The following PLPP1 variants were observed in gnomAD, a reference collection of about 807,000 sequenced individuals.
PLPP1 encodes the protein lipid phosphate phosphohydrolase 1a.
PLPP1 carries 24 observed loss-of-function variants against 31.2 expected under a neutral mutation model. That is an observed-to-expected ratio of 0.77 (90% CI 0.56 to 1.08). The LOEUF (loss-of-function observed/expected upper bound fraction) is 1.08, where lower values mean the gene tolerates loss of function less well. Among genes scored for constraint, PLPP1 ranks in the 50% least tolerant of loss-of-function variants. PLPP1 has a pLI of 0.00. For synonymous variants in PLPP1, 146 were observed against 126.3 expected (o/e 1.16, Z -1.05); for missense variants, 319 against 342.7 (o/e 0.93, Z 0.55).
chr5:55,533,798 T>C (rs1362774676), intron 1 of PLPP1, among the ~76,000 whole-genome samples: 1 of 152,212 alleles, frequency 6.6e-6, no homozygotes, highest in Non-Finnish European at 1.5e-5. Context: ...CTTATCCAAA[T>C]GATTCCAGTT....
intron 4 of PLPP1, among the ~76,000 whole-genome samples, chr5:55,433,246 A>G (rs1388175575): frequency 6.6e-6 from 1 of 151,152 alleles, no homozygotes; most frequent in East Asian, 2.0e-4. Context: ...TCACTGCTTA[A>G]GCACAGGACA....
At chr5:55,511,811 C>CGTA (rs1753419696) in intron 1 of PLPP1, among the ~76,000 whole-genome samples, 1 of 150,808 alleles carries the variant, frequency 6.6e-6, no homozygotes, top group African/African-American at 2.4e-5. Context: ...CTGCAGGCGC[C>CGTA]GGCTACCACG....
rs181105436 is a variant in PLPP1 at position 55,482,251 on chromosome 5, T to C, written c.59-6801A>G. On this transcript the variant is annotated intron_variant, in intron 1 of 5. Coordinates refer to ENST00000307259, the MANE Select transcript of PLPP1 (RefSeq NM_003711.4). ...ATCTCCAGTCAGGATACGCATTCAA[T>C]GTAAGTCTCCTTTGTCCCCCCTCAC... Among the ~76,000 whole-genome samples, 11 of 151,288 alleles carry C rather than the reference T, an allele frequency of 7.3e-5. No individual in the cohort carries two copies. In the East Asian group the frequency reaches 1.7e-3, roughly 24 times the overall value.
chr5:55,429,931 T>C (rs1751306424), intron 4 of PLPP1, among the ~76,000 whole-genome samples: 2 of 152,134 alleles, frequency 1.3e-5, no homozygotes, highest in South Asian at 2.1e-4. Flanking sequence ...AGCCAAGCCC[T>C]ATACACACCA....
intron 1 of PLPP1, among the ~76,000 whole-genome samples, chr5:55,499,021 A>G (rs987268965): frequency 4.6e-5 from 7 of 152,182 alleles, no homozygotes; most frequent in East Asian, 1.9e-4. Context: ...TGAGGCCCCA[A>G]TTGCATCCTC....
intron 3 of PLPP1, among the ~76,000 whole-genome samples, chr5:55,452,773 G>A (rs929303938): frequency 7.9e-5 from 12 of 152,274 alleles, no homozygotes; most frequent in African/African-American, 2.9e-4. Flanking sequence ...AAAATCATCT[G>A]TTACTGAACC....
At chr5:55,519,188 C>A (rs1262466002) in intron 1 of PLPP1, among the ~76,000 whole-genome samples, 1 of 152,146 alleles carries the variant, frequency 6.6e-6, no homozygotes, top group Non-Finnish European at 1.5e-5. Flanking sequence ...GATATCCACA[C>A]TAGCCATAAA....
intron 1 of PLPP1, among the ~76,000 whole-genome samples, chr5:55,530,940 C>T (rs556731470): frequency 1.3e-5 from 2 of 151,578 alleles, no homozygotes; most frequent in Middle Eastern, 3.4e-3. Flanking sequence ...ATGGTGACAG[C>T]GGCAGCGGCC....
intron 1 of PLPP1, among the ~76,000 whole-genome samples, chr5:55,521,136 T>C (rs937857276): frequency 1.2e-4 from 19 of 152,216 alleles, no homozygotes; most frequent in Middle Eastern, 3.4e-3. Flanking sequence ...GCAAATCACT[T>C]GAGGTCAGGA....
intron 1 of PLPP1, among the ~76,000 whole-genome samples, chr5:55,522,711 GT>G (rs1753697118): frequency 6.6e-6 from 1 of 150,600 alleles, no homozygotes; most frequent in Non-Finnish European, 1.5e-5. Context: ...GTTTTGTTTT[GT>G]TTTGTTTTGT....
At chr5:55,522,621 A>C (rs1753694440) in intron 1 of PLPP1, among the ~76,000 whole-genome samples, 1 of 152,252 alleles carries the variant, frequency 6.6e-6, no homozygotes, top group African/African-American at 2.4e-5. Flanking sequence ...ACTGACTCTG[A>C]AACTACATCA....
intron 3 of PLPP1, among the ~76,000 whole-genome samples, chr5:55,457,415 G>C (rs934167327): frequency 8.5e-5 from 13 of 152,134 alleles, no homozygotes; most frequent in Admixed American, 2.0e-4. Context: ...GGAAGAGACA[G>C]TGAATGAGTA....
At chr5:55,499,286 C>T (rs1370636190) in intron 1 of PLPP1, among the ~76,000 whole-genome samples, 6 of 152,170 alleles carry the variant, frequency 3.9e-5, no homozygotes, top group African/African-American at 1.4e-4. Context: ...CATATCCATC[C>T]TCCACATCCT....
chr5:55,512,732 A>ACACATACACACG (rs1267970645), intron 1 of PLPP1, among the ~76,000 whole-genome samples: 2 of 151,898 alleles, frequency 1.3e-5, no homozygotes, highest in Non-Finnish European at 2.9e-5. Context: ...CTACACACAC[A>ACACATACACACG]CACACACACA....
intron 3 of PLPP1, among the ~76,000 whole-genome samples, chr5:55,444,743 T>TTGTGTGTGTGTGTGTGTGTGTGTG (rs1554037412): frequency 1.9e-4 from 26 of 137,378 alleles, no homozygotes; most frequent in African/African-American, 6.7e-4. Context: ...GGATTCTATT[T>TTGTGTGTGTGTGTGTGTGTGTGTG]TGTGTGTGTG....
At chr5:55,470,379 GGTAGTAT>G (rs1478516205) in intron 2 of PLPP1, among the ~76,000 whole-genome samples, 1 of 152,206 alleles carries the variant, frequency 6.6e-6, no homozygotes, top group African/African-American at 2.4e-5. Flanking sequence ...TCCAGAAACA[GGTAGTAT>G]GTTTTGTGAG....
At chr5:55,534,493 C>T in intron 1 of PLPP1, 79 bp downstream of exon 1, 1 of 1,399,418 alleles carries the variant, frequency 7.1e-7, no homozygotes, top group Non-Finnish European at 9.5e-7. Context: ...AACACACCCC[C>T]GCTGCCCGTC....
chr5:55,482,612 G>A (rs1752694883), intron 1 of PLPP1, among the ~76,000 whole-genome samples: 1 of 152,126 alleles, frequency 6.6e-6, no homozygotes, highest in South Asian at 2.1e-4. Context: ...ACAAACAAAT[G>A]TGAGCAATAG....
At chr5:55,441,377 C>T (rs528534213) in intron 4 of PLPP1, among the ~76,000 whole-genome samples, 1 of 152,284 alleles carries the variant, frequency 6.6e-6, no homozygotes, top group African/African-American at 2.4e-5. Flanking sequence ...CCTTTCTGGT[C>T]CCTTGCAGAG....
Sources: gnomAD v4.1 joint callset for allele counts (sites outside exome capture counted in the v4.1 genomes callset) on GRCh38, gnomAD v4.1.1 for gene constraint, MANE v1.5 for transcripts, NCBI Gene and HGNC (gene_info 2026-07-23, HGNC 2026-07-21) for gene names.